The following YIPF2 variants were observed in gnomAD, a reference collection of about 807,000 sequenced individuals.
The protein encoded by YIPF2 is protein YIPF2.
YIPF2 carries 30 observed loss-of-function variants against 38.8 expected under a neutral mutation model. The ratio of observed to expected loss-of-function variants is 0.77; its 90% confidence interval spans 0.58 to 1.05. YIPF2 has a LOEUF of 1.05. YIPF2 is among the 50% of genes least tolerant of loss of function. The pLI is 0.00. For synonymous variants in YIPF2, 194 were observed against 183.8 expected (o/e 1.06, Z -0.45); for missense variants, 401 against 409.7 (o/e 0.98, Z 0.18).
At chr19:10,924,823 A>T (rs2083396655) in intron 5 of YIPF2, among the ~76,000 whole-genome samples, 1 of 145,030 alleles carries the variant, frequency 6.9e-6, no homozygotes, top group South Asian at 2.2e-4. Flanking sequence ...CACGTTCCAG[A>T]ATCCAGTGCC....
chr19:10,923,769 C>A (rs556398402), intron 7 of YIPF2, 64 bp downstream of exon 7: 1 of 1,582,456 alleles, frequency 6.3e-7, no homozygotes, highest in Non-Finnish European at 8.6e-7. Context: ...GGGAATGAGG[C>A]GGCAGGTGAC....
rs372033622 is a variant in YIPF2, at chr19:10,923,445, C to T, written c.835-38G>A. On this transcript the variant is annotated intron_variant, in intron 8 of 9. Coordinates refer to ENST00000586748, the MANE Select transcript of YIPF2 (RefSeq NM_001321439.2). ...CCTGGGGTCAGAGGCAGGGCCAGCC[C>T]ATGCCCCCCTAGCCCCTCGGCCCCA... The T allele has an allele frequency of 8.0e-5, 129 of 1,613,170 alleles. No homozygotes were observed. The African/African-American group carries it at 1.3e-3, about 17-fold the overall frequency.
intron 2 of YIPF2, 25 bp downstream of exon 2, chr19:10,928,355 C>G (rs1348421878): frequency 1.5e-6 from 2 of 1,319,346 alleles, no homozygotes; most frequent in Non-Finnish European, 1.9e-6. Flanking sequence ...AGTGGGAGAT[C>G]CGGCCACGTC....
chr19:10,928,527 C>A lies in YIPF2; in HGVS notation c.-47G>T. 7.9e-7 allele frequency: 1 copy of A among 1,273,824 alleles called. No homozygotes were observed. Among genetic ancestry groups the A allele is most frequent in the South Asian group, 2.1e-5 (1 of 48,494 alleles). The allele number at this position is 1,273,824 out of a possible 1,614,324, so 78.9% of individuals were successfully genotyped here. ...CAGCCCTACCTGGCGACCAACTGCA[C>A]CCACGGAGGCTTGAACTCGTCGTCC... On this transcript the variant is annotated 5_prime_UTR_variant, in exon 1 of 10. Coordinates refer to ENST00000586748, the MANE Select transcript of YIPF2 (RefSeq NM_001321439.2).
chr19:10,928,365 CG>C lies in YIPF2; in HGVS notation c.31+14del. ...GCGGGAGTGGGAGATCCGGCCACGT[CG>C]GGGCCGCACTCACCATGGAAGGTCA... On this transcript the variant is annotated intron_variant, in intron 2 of 9. Transcript: ENST00000586748. 1 of 1,321,056 alleles carries C rather than the reference CG, an allele frequency of 7.6e-7. No individual in the cohort carries two copies. Among genetic ancestry groups the C allele is most frequent in the Non-Finnish European group, 9.7e-7 (1 of 1,029,476 alleles). The allele number at this position is 1,321,056 out of a possible 1,614,324, so 81.8% of individuals were successfully genotyped here.
chr19:10,928,223 G>A (rs1294899976), intron 2 of YIPF2, among the ~76,000 whole-genome samples, 157 bp downstream of exon 2: 2 of 151,986 alleles, frequency 1.3e-5, no homozygotes, highest in Admixed American at 6.6e-5. Context: ...TCTGAGTTCA[G>A]GGCGGGGGCG....
Position 10,927,693 on chromosome 19 carries a change from C to G in YIPF2, c.216G>C (p.Gln72His). ...KAALLQEQQQ[Q>H]QQPGFWTFSY... ...TGAAGGTCCAGAATCCCGGCTGCTG[C>G]TGCTGCTGCTGCTCCTGCAGGAGCT... The change falls in exon 4 of 10, where the codon CAG becomes CAC. Residue 72 changes from glutamine to histidine, a missense_variant. Physicochemically the swap from Gln to His is conservative, Grantham distance 24. Coordinates refer to ENST00000586748, the MANE Select transcript of YIPF2 (RefSeq NM_001321439.2). 2.5e-6 allele frequency: 4 copies of G among 1,613,564 alleles called. No individual in the cohort carries two copies. The highest frequency in any genetic ancestry group is 3.4e-6 in the Non-Finnish European group (4 of 1,180,000).
chr19:10,923,762 A>G (rs2074311759), intron 7 of YIPF2, 71 bp downstream of exon 7: 1 of 1,581,728 alleles, frequency 6.3e-7, no homozygotes, highest in African/African-American at 1.3e-5. Flanking sequence ...CCACCATGGG[A>G]ATGAGGCGGC....
rs940211205 is a variant in YIPF2 at position 10,928,578 on chromosome 19, C to G, written c.-98G>C. 4.0e-5 allele frequency: 42 copies of G among 1,056,550 alleles called. No homozygotes were observed. Among genetic ancestry groups the G allele is most frequent in the African/African-American group, 1.4e-4 (8 of 58,906 alleles). The allele number at this position is 1,056,550 out of a possible 1,614,324, so 65.4% of individuals were successfully genotyped here. ...CGTCCCCACAGGTGCGCTCCGCCCC[C>G]CCTCACCTGAGGCCACCTGGGCCGG... On this transcript the variant is annotated 5_prime_UTR_variant, in exon 1 of 10. Coordinates refer to ENST00000586748, the MANE Select transcript of YIPF2 (RefSeq NM_001321439.2).
At chr19:10,927,056 G>C (rs1286720470) in intron 4 of YIPF2, among the ~76,000 whole-genome samples, 1 of 151,880 alleles carries the variant, frequency 6.6e-6, no homozygotes, top group Admixed American at 6.6e-5. Flanking sequence ...ATTTTTAGTA[G>C]AGACGGGGTT....
At chr19:10,927,159 C>T (rs967946367) in intron 4 of YIPF2, among the ~76,000 whole-genome samples, 2 of 152,234 alleles carry the variant, frequency 1.3e-5, no homozygotes, top group African/African-American at 4.8e-5. Context: ...AGGCATGAGC[C>T]ACCCCGCACC....
chr19:10,922,483 AAG>A lies in YIPF2; in HGVS notation c.*709_*710del, dbSNP rs1370541577. The A allele has an allele frequency of 5.6e-4, 2 of 3,558 alleles. No individual in the cohort carries two copies. Among genetic ancestry groups the A allele is most frequent in the African/African-American group, 3.3e-3 (2 of 598 alleles). The allele number at this position is 3,558 out of a possible 1,614,324, so 0.2% of individuals were successfully genotyped here. A position where few individuals can be genotyped will look rare whatever the true frequency, so the allele number is the denominator to read the frequency against. ...CAGGTCCCCCCCCGCCCCCCCACTCAAGAGTTAGAGCAGGTGGCTGCAGGCCT... is the reference window on the plus strand; with the variant it reads ...CAGGTCCCCCCCCGCCCCCCCACTCAAGTTAGAGCAGGTGGCTGCAGGCCT... On this transcript the variant is annotated 3_prime_UTR_variant, in exon 10 of 10. Coordinates refer to ENST00000586748, the MANE Select transcript of YIPF2 (RefSeq NM_001321439.2).
rs1248247569 is a variant in YIPF2 at position 10,923,034 on chromosome 19, C to T, written c.*160G>A. The T allele has an allele frequency of 2.5e-6, 1 of 401,970 alleles. No individual in the cohort carries two copies. The highest frequency in any genetic ancestry group is 4.4e-6 in the Non-Finnish European group (1 of 227,608). The allele number at this position is 401,970 out of a possible 1,614,324, so 24.9% of individuals were successfully genotyped here. A position where few individuals can be genotyped will look rare whatever the true frequency, so the allele number is the denominator to read the frequency against. On this transcript the variant is annotated 3_prime_UTR_variant, in exon 10 of 10. Coordinates refer to ENST00000586748, the MANE Select transcript of YIPF2 (RefSeq NM_001321439.2). ...CCGCCTTTATATAAATTCTCTGAAT[C>T]ACCTTTGCATAGAAAATAAAAGTGT...
Position 10,922,278 on chromosome 19 carries a change from A to T in YIPF2, c.*916T>A, listed in dbSNP as rs903534469. ...GAAGCCAGGCCGGCCGGGCCGAGCC[A>T]GCAGCCCCTCTCCCTAGACTCAGAG... On this transcript the variant is annotated 3_prime_UTR_variant, in exon 10 of 10. Coordinates refer to ENST00000586748, the MANE Select transcript of YIPF2 (RefSeq NM_001321439.2). The T allele has an allele frequency of 6.5e-6, 1 of 152,686 alleles. No homozygotes were observed. The highest frequency in any genetic ancestry group is 2.4e-5 in the African/African-American group (1 of 41,450). 9.5% of individuals were successfully genotyped at this position (152,686 alleles called of 1,614,324 possible).
At chr19:10,928,469 T>TC (rs1001949803) in intron 1 of YIPF2, 29 bp from the exon 2 acceptor site, 12 of 1,349,892 alleles carry the variant, frequency 8.9e-6, no homozygotes, top group Middle Eastern at 5.2e-4. Flanking sequence ...CAGGCACACT[T>TC]CCCCCCCGCC....
At position 10,924,152 on chromosome 19, in the gene YIPF2, G is replaced by C; in HGVS notation, c.408C>G (p.Ala136=). 6.2e-7 allele frequency: 1 copy of C among 1,613,368 alleles called. No individual in the cohort carries two copies. The highest frequency in any genetic ancestry group is 8.5e-7 in the Non-Finnish European group (1 of 1,179,916). Residue 136 remains alanine (A), a synonymous_variant, in exon 6 of 10, where the codon GCC becomes GCG. Coordinates refer to ENST00000586748, the MANE Select transcript of YIPF2 (RefSeq NM_001321439.2). The part of the protein sequence containing the change: ...WICATLAFVL[A]VTGNLTLVLA... ...GCACCAGCGTCAGGTTGCCAGTGAC[G>C]GCCAGGACAAAGGCCAACGTGGCAC...
intron 2 of YIPF2, 118 bp from the exon 3 acceptor site, chr19:10,928,077 C>A: frequency 7.0e-7 from 1 of 1,419,704 alleles, no homozygotes; most frequent in Non-Finnish European, 9.5e-7. Flanking sequence ...TTGATCTCCC[C>A]CAAGGTGGGG....
rs775580669 is a variant in YIPF2 at position 10,923,968 on chromosome 19, A to G, written c.516T>C (p.Tyr172=). 3 of 1,613,448 alleles carry G rather than the reference A, an allele frequency of 1.9e-6. No individual in the cohort carries two copies. The highest frequency in any genetic ancestry group is 2.5e-6 in the Non-Finnish European group (3 of 1,179,790). The change falls in exon 7 of 10, where the codon TAT becomes TAC. Residue 172 remains tyrosine (Y), a synonymous_variant. Transcript: ENST00000586748. ...VTVAGISIYC[Y]AWLVPLALWG... ...ACAGGGCCAGGGGCACCAGCCACGC[A>G]TAGCAGTAGATGCTGATGCCTGCCA...
At chr19:10,924,709 G>A (rs1052013578) in intron 5 of YIPF2, among the ~76,000 whole-genome samples, 3 of 152,002 alleles carry the variant, frequency 2.0e-5, no homozygotes, top group African/African-American at 7.3e-5. Flanking sequence ...TATCCATCCC[G>A]TTAGTCCAGG....
Sources: allele counts gnomAD v4.1 joint callset (sites outside exome capture counted in the v4.1 genomes callset), GRCh38; gene constraint gnomAD v4.1.1; transcripts MANE v1.5; gene names NCBI Gene and HGNC (gene_info 2026-07-23, HGNC 2026-07-21).